The following EPM2A variants were observed in gnomAD, a reference collection of about 807,000 sequenced individuals.
EPM2A encodes laforin.
EPM2A carries 21 observed loss-of-function variants against 26.5 expected under a neutral mutation model. That is an observed-to-expected ratio of 0.79 (90% CI 0.56 to 1.14). The LOEUF (loss-of-function observed/expected upper bound fraction) is 1.14, where lower values mean the gene tolerates loss of function less well. Ranked by LOEUF, EPM2A falls within the 50% of genes most tolerant of loss-of-function variation. The pLI is 0.00. For synonymous variants in EPM2A, 217 were observed against 177.6 expected (o/e 1.22, Z -1.76); for missense variants, 458 against 440.8 (o/e 1.04, Z -0.35).
chr6:145,424,047 T>A (rs1188129532), intron 4 of EPM2A, among the ~76,000 whole-genome samples: 1 of 152,012 alleles, frequency 6.6e-6, no homozygotes, highest in African/African-American at 2.4e-5. Flanking sequence ...CTAAACTAAG[T>A]GAACATAGCA....
upstream of EPM2A, chr6:145,735,645 G>A (rs1387599806): frequency 1.8e-6 from 2 of 1,083,460 alleles, no homozygotes; most frequent in Non-Finnish European, 2.2e-6. Flanking sequence ...GCCTTCTTTG[G>A]GATGCATCAC....
chr6:145,596,879 T>C (rs1376518159), intron 2 of EPM2A, among the ~76,000 whole-genome samples: 2 of 52,098 alleles, frequency 3.8e-5, no homozygotes, highest in Admixed American at 1.4e-4. Flanking sequence ...TCCGAGATCT[T>C]TTTTTTTTTT....
At chr6:145,651,996 A>G (rs532127088) in intron 2 of EPM2A, among the ~76,000 whole-genome samples, 31 of 152,300 alleles carry the variant, frequency 2.0e-4, no homozygotes, top group African/African-American at 7.0e-4. Flanking sequence ...GGATGGCTCC[A>G]TCACATTACT....
chr6:145,617,395 T>C lies in EPM2A; in HGVS notation c.340+17850A>G, dbSNP rs539056768. Reference sequence around the variant, plus strand: ...CTCAATTATGTCTTTATCAGCAGCATGAACACAGACTAATACAAAGAGGAT... The same window carrying C: ...CTCAATTATGTCTTTATCAGCAGCACGAACACAGACTAATACAAAGAGGAT... On this transcript the variant is annotated intron_variant, in intron 2 of 3. Transcript: ENST00000450221. Among the ~76,000 whole-genome samples, 3 of 152,300 alleles carry C rather than the reference T, an allele frequency of 2.0e-5. No individual in the cohort carries two copies. The East Asian group carries it at 5.8e-4, about 29-fold the overall frequency.
chr6:145,677,657 A>G (rs983185061), intron 2 of EPM2A, among the ~76,000 whole-genome samples: 1 of 152,210 alleles, frequency 6.6e-6, no homozygotes, highest in Non-Finnish European at 1.5e-5. Context: ...CAGCCAAATC[A>G]TGAGTGAACT....
intron 1 of EPM2A, among the ~76,000 whole-genome samples, chr6:145,728,913 T>C (rs1417668672): frequency 6.6e-6 from 1 of 152,122 alleles, no homozygotes; most frequent in Non-Finnish European, 1.5e-5. Flanking sequence ...AAAAATAGTT[T>C]CACAGGCCCA....
chr6:145,508,582 C>A (rs550962212), intron 2 of EPM2A, among the ~76,000 whole-genome samples: 1 of 151,614 alleles, frequency 6.6e-6, no homozygotes, highest in East Asian at 1.9e-4. Context: ...ATAAAAAAAT[C>A]AACACTCCCC....
intron 2 of EPM2A, among the ~76,000 whole-genome samples, chr6:145,610,831 A>G (rs1225535421): frequency 6.6e-6 from 1 of 152,230 alleles, no homozygotes; most frequent in Non-Finnish European, 1.5e-5. Context: ...TTTGATGATC[A>G]GGACCTGAGC....
intron 4 of EPM2A, among the ~76,000 whole-genome samples, chr6:145,406,406 A>G (rs2114671354): frequency 6.6e-6 from 1 of 152,304 alleles, no homozygotes; most frequent in South Asian, 2.1e-4. Flanking sequence ...GAATAATGGC[A>G]CTGTTATTGA....
intron 4 of EPM2A, chr6:145,490,253 T>C (rs1779737568): frequency 2.3e-6 from 3 of 1,297,516 alleles, no homozygotes; most frequent in African/African-American, 3.0e-5. Context: ...TAAAGAACAA[T>C]AGTTGGGTTT....
chr6:145,682,454 A>T (rs1321622215), intron 2 of EPM2A: 2 of 152,128 alleles, frequency 1.3e-5, no homozygotes, highest in East Asian at 3.8e-4. Flanking sequence ...ATGGCTTCAC[A>T]TTTCTGTTCA....
At chr6:145,649,060 C>CCT (rs1777687833) in intron 2 of EPM2A, among the ~76,000 whole-genome samples, 1 of 152,102 alleles carries the variant, frequency 6.6e-6, no homozygotes, top group Admixed American at 6.5e-5. Context: ...ATGCTTGTGA[C>CCT]CTTTGCAAAG....
intron 1 of EPM2A, among the ~76,000 whole-genome samples, chr6:145,690,344 A>C (rs1434681703): frequency 6.6e-6 from 1 of 151,708 alleles, no homozygotes; most frequent in Non-Finnish European, 1.5e-5. Flanking sequence ...CCCCGTCTCT[A>C]CTAAAAATAC....
chr6:145,491,658 G>A (rs1264517838), intron 4 of EPM2A: 2 of 390,608 alleles, frequency 5.1e-6, no homozygotes, highest in Non-Finnish European at 1.0e-5. Flanking sequence ...CTCTCACTTT[G>A]GGTTGCTGTC....
At chr6:145,402,498 T>A (rs1778503820) in intron 4 of EPM2A, among the ~76,000 whole-genome samples, 1 of 152,238 alleles carries the variant, frequency 6.6e-6, no homozygotes, top group African/African-American at 2.4e-5. Context: ...ATTGACAAAA[T>A]TTGCATAGGT....
chr6:145,415,934 C>T (rs1188762834), intron 4 of EPM2A, among the ~76,000 whole-genome samples: 1 of 152,186 alleles, frequency 6.6e-6, no homozygotes, highest in African/African-American at 2.4e-5. Flanking sequence ...GCTCTCCATC[C>T]TCTTCTTTAG....
At chr6:145,489,975 G>T (rs769033916) in intron 4 of EPM2A, 111 of 1,384,856 alleles carry the variant, frequency 8.0e-5, no homozygotes, top group Non-Finnish European at 9.4e-5. Context: ...TGTGAACAAA[G>T]TACCTGGCTG....
At chr6:145,662,589 G>A (rs149089150) in intron 2 of EPM2A, among the ~76,000 whole-genome samples, 9 of 152,288 alleles carry the variant, frequency 5.9e-5, no homozygotes, top group Non-Finnish European at 1.2e-4. Flanking sequence ...AATACAGCAT[G>A]AGCAAGTAGG....
chr6:145,453,015 GC>G (rs1779216970), intron 4 of EPM2A, among the ~76,000 whole-genome samples: 1 of 152,136 alleles, frequency 6.6e-6, no homozygotes, highest in Non-Finnish European at 1.5e-5. Flanking sequence ...GGACTTCCAA[GC>G]TTTTTGTATA....
Sources: gnomAD v4.1 joint callset for allele counts (sites outside exome capture counted in the v4.1 genomes callset) on GRCh38, gnomAD v4.1.1 for gene constraint, MANE v1.5 for transcripts, NCBI Gene and HGNC (gene_info 2026-07-23, HGNC 2026-07-21) for gene names.